ADGRE1: variants seen among roughly 807,000 people sequenced by gnomAD.
ADGRE1 encodes the protein EGF-like module receptor 1.
In ADGRE1, 82 loss-of-function variants were observed where a neutral mutation model predicts 102.7. The observed-to-expected ratio is 0.80, with a 90% confidence interval of 0.67 to 0.96. ADGRE1 has a LOEUF of 0.96. Ranked by LOEUF, ADGRE1 falls within the 40% of genes least tolerant of loss-of-function variation. ADGRE1 has a pLI of 0.00. For missense variants in ADGRE1, 1,032 were observed against 1,085.3 expected (o/e 0.95, Z 0.69); for synonymous variants, 398 against 399.6 (o/e 1.00, Z 0.05).
chr19:6,923,082 G>T (rs1974738249), intron 14 of ADGRE1, among the ~76,000 whole-genome samples: 1 of 151,946 alleles, frequency 6.6e-6, no homozygotes, highest in African/African-American at 2.4e-5. Flanking sequence ...GTCTCAAAAA[G>T]AAAGAAAGTA....
intron 15 of ADGRE1, 112 bp downstream of exon 15, chr19:6,924,984 A>G: frequency 2.7e-6 from 3 of 1,114,202 alleles, no homozygotes; most frequent in East Asian, 2.5e-5. Flanking sequence ...GCCTTTGCAT[A>G]TGCTGTGCCC....
chr19:6,913,776 T>C lies in ADGRE1; in HGVS notation c.1246T>C (p.Ser416Pro), dbSNP rs1292373790. 2 of 1,611,980 alleles carry C rather than the reference T, an allele frequency of 1.2e-6. No homozygotes were observed. The highest frequency in any genetic ancestry group is 1.3e-5 in the African/African-American group (1 of 74,898). ...GAGTGTGGAAAGCATGACACTGGCA[T>C]CTTTTTGGAAACCCTCAGCAAATAT... is the stretch of plus-strand genomic sequence containing the variant. ...LESVESMTLA[S>P]FWKPSANITP... Residue 416 changes from serine (S) to proline (P), a missense_variant, in exon 11 of 21, where the codon TCT (serine) becomes CCT (proline). Transcript: ENST00000312053.
At chr19:6,914,772 G>C (rs533172888) in intron 11 of ADGRE1, among the ~76,000 whole-genome samples, 20 of 152,282 alleles carry the variant, frequency 1.3e-4, no homozygotes, top group African/African-American at 4.3e-4. Flanking sequence ...GGTTAGAGAG[G>C]GTTGGGATTA....
chr19:6,904,081 C>A lies in ADGRE1; in HGVS notation c.848C>A (p.Ser283Tyr). 1 of 1,614,232 alleles carries A rather than the reference C, an allele frequency of 6.2e-7. No individual in the cohort carries two copies. The highest frequency in any genetic ancestry group is 8.5e-7 in the Non-Finnish European group (1 of 1,180,038). Residue 283 changes from serine (S) to tyrosine (Y), a missense_variant, in exon 8 of 21, where the codon TCT becomes TAT. Coordinates refer to ENST00000312053, the MANE Select transcript of ADGRE1 (RefSeq NM_001974.5). ...RQDPSTCGPN[S>Y]ICTNALGSYS... ...GATCCATCAACCTGTGGTCCTAATTCTATCTGCACCAATGCCCTGGGCTCC... is the reference window on the plus strand; with the variant it reads ...GATCCATCAACCTGTGGTCCTAATTATATCTGCACCAATGCCCTGGGCTCC...
At chr19:6,930,081 A>G (rs1415798151) in intron 17 of ADGRE1, among the ~76,000 whole-genome samples, 1 of 152,196 alleles carries the variant, frequency 6.6e-6, no homozygotes, top group Non-Finnish European at 1.5e-5. Context: ...TCTCCATTAG[A>G]AAAGAAAATG....
chr19:6,932,585 C>CA (rs1344385419), intron 17 of ADGRE1, among the ~76,000 whole-genome samples: 11 of 152,200 alleles, frequency 7.2e-5, no homozygotes, highest in African/African-American at 2.7e-4. Context: ...TCCTAAAACT[C>CA]AAAGTTGATC....
rs147673054 is a variant in ADGRE1, at chr19:6,935,549, A to G, written c.2381+471A>G. Among the ~76,000 whole-genome samples, 727 of 152,272 alleles carry G rather than the reference A, an allele frequency of 4.8e-3. 8 individuals carry two copies. Among genetic ancestry groups the G allele is most frequent in the African/African-American group, 0.015 (637 of 41,550 alleles). ...TGACTTCATTAGATATTATTCTACAATATGGTGTAAATTTGTAGCACATTG... is the reference window on the plus strand; with the variant it reads ...TGACTTCATTAGATATTATTCTACAGTATGGTGTAAATTTGTAGCACATTG... On this transcript the variant is annotated intron_variant, in intron 18 of 20. Transcript: ENST00000312053.
chr19:6,908,496 T>C (rs1974050849), intron 9 of ADGRE1, among the ~76,000 whole-genome samples, 193 bp from the exon 10 acceptor site: 1 of 152,134 alleles, frequency 6.6e-6, no homozygotes, highest in South Asian at 2.1e-4. Context: ...TTTTTATTCA[T>C]GGAAGGAAAA....
intron 14 of ADGRE1, among the ~76,000 whole-genome samples, chr19:6,923,689 C>T (rs1040570203): frequency 3.3e-5 from 5 of 151,842 alleles, no homozygotes; most frequent in African/African-American, 4.8e-5. Context: ...CGCCACCATG[C>T]CTGGCTAATA....
chr19:6,912,223 C>T (rs1209974519), intron 10 of ADGRE1, among the ~76,000 whole-genome samples: 1 of 151,876 alleles, frequency 6.6e-6, no homozygotes, highest in Non-Finnish European at 1.5e-5. Flanking sequence ...TACACACACC[C>T]ACATATATAA....
At chr19:6,890,444 T>TTTTGTG in intron 1 of ADGRE1, 37 bp from the exon 2 acceptor site, 2 of 1,091,572 alleles carry the variant, frequency 1.8e-6, no homozygotes, top group Admixed American at 3.1e-5. Flanking sequence ...TTTTTTTTTT[T>TTTTGTG]GGTGGTTCAT....
chr19:6,925,685 T>TCTTTTTTCTTC (rs1259875576), intron 15 of ADGRE1, among the ~76,000 whole-genome samples: 2 of 152,072 alleles, frequency 1.3e-5, no homozygotes, highest in African/African-American at 4.8e-5. Flanking sequence ...ATTTTTCTTT[T>TCTTTTTTCTTC]CTTTTTTTAA....
intron 13 of ADGRE1, among the ~76,000 whole-genome samples, chr19:6,921,051 C>G: frequency 6.6e-6 from 1 of 152,020 alleles, no homozygotes; most frequent in East Asian, 1.9e-4. Context: ...TTTGGGAGGT[C>G]TATGCAGGAG....
intron 19 of ADGRE1, 63 bp downstream of exon 19, chr19:6,937,474 C>A: frequency 6.3e-7 from 1 of 1,593,098 alleles, no homozygotes; most frequent in Non-Finnish European, 8.6e-7. Context: ...TTCCCCACCG[C>A]ATCCCTCCAC....
At chr19:6,922,692 C>T (rs958071795) in intron 14 of ADGRE1, among the ~76,000 whole-genome samples, 3 of 150,806 alleles carry the variant, frequency 2.0e-5, no homozygotes, top group Non-Finnish European at 4.4e-5. Flanking sequence ...TCCAAGAGAG[C>T]CGATGATAGA....
intron 2 of ADGRE1, 32 bp from the exon 3 acceptor site, chr19:6,896,366 C>G (rs781438057): frequency 6.2e-7 from 1 of 1,608,280 alleles, no homozygotes; most frequent in Non-Finnish European, 8.5e-7. Flanking sequence ...ATGCTCTAAT[C>G]TTGTCTAAAC....
At chr19:6,925,583 G>A (rs76605180) in intron 15 of ADGRE1, among the ~76,000 whole-genome samples, 8,715 of 152,172 alleles carry the variant, frequency 0.057, 428 homozygotes, top group African/African-American at 0.13. Flanking sequence ...GTATCTTGTC[G>A]TGCCCAAGGC....
intron 1 of ADGRE1, 40 bp downstream of exon 1, chr19:6,887,679 A>G (rs768818934): frequency 6.3e-7 from 1 of 1,598,454 alleles, no homozygotes; most frequent in Non-Finnish European, 8.5e-7. Flanking sequence ...GGAGGCCTGG[A>G]TTGGAAATAG....
At chr19:6,891,177 T>C (rs796420928) in intron 2 of ADGRE1, 2 of 152,208 alleles carry the variant, frequency 1.3e-5, no homozygotes, top group African/African-American at 4.8e-5. Flanking sequence ...CGAGATCTGA[T>C]GGTTTTATAA....
Sources: gnomAD v4.1 joint callset for allele counts (sites outside exome capture counted in the v4.1 genomes callset) on GRCh38, gnomAD v4.1.1 for gene constraint, MANE v1.5 for transcripts, NCBI Gene and HGNC (gene_info 2026-07-23, HGNC 2026-07-21) for gene names.